SFMBT2: variants seen among roughly 807,000 people sequenced by gnomAD.
SFMBT2 encodes the protein Scm like with four mbt domains 2, also known as scm-like with four MBT domains protein 2.
SFMBT2 carries 38 observed loss-of-function variants against 110.1 expected under a neutral mutation model. The ratio of observed to expected loss-of-function variants is 0.35; its 90% CI spans 0.27 to 0.45. SFMBT2 has a LOEUF of 0.45. Ranked by LOEUF, SFMBT2 falls within the 20% of genes least tolerant of loss-of-function variation. The pLI is 1.00. For synonymous variants in SFMBT2, 425 were observed against 425.4 expected (o/e 1.00, Z 0.01); for missense variants, 1,011 against 1,094.9 (o/e 0.92, Z 1.08).
At chr10:7,395,698 G>T (rs1845904730) in intron 1 of SFMBT2, among the ~76,000 whole-genome samples, 1 of 135,578 alleles carries the variant, frequency 7.4e-6, no homozygotes. Flanking sequence ...ATTTCTAAAA[G>T]CTCTTTTTTT....
At chr10:7,359,640 C>T (rs1844650477) in intron 4 of SFMBT2, among the ~76,000 whole-genome samples, 1 of 152,224 alleles carries the variant, frequency 6.6e-6, no homozygotes, top group Admixed American at 6.5e-5. Flanking sequence ...ACCCAAATAG[C>T]ATCTGATGCA....
At chr10:7,326,090 C>T (rs1366747506) in intron 4 of SFMBT2, among the ~76,000 whole-genome samples, 1 of 152,178 alleles carries the variant, frequency 6.6e-6, no homozygotes, top group Non-Finnish European at 1.5e-5. Flanking sequence ...GAAATATCAA[C>T]AGGGATATTG....
chr10:7,163,117 A>G lies in SFMBT2; in HGVS notation c.*653T>C. 6.2e-6 allele frequency: 1 copy of G among 162,200 alleles called. No individual in the cohort carries two copies. The highest frequency in any genetic ancestry group is 1.3e-5 in the Non-Finnish European group (1 of 77,832). The allele number at this position is 162,200 out of a possible 1,614,324, so 10.0% of individuals were successfully genotyped here. ...GACCCTGTCTCAAAAAACACAACAAAATGAACAACAAACAAACAAACAAAC... is the reference window on the plus strand; with the variant it reads ...GACCCTGTCTCAAAAAACACAACAAGATGAACAACAAACAAACAAACAAAC... On this transcript the variant is annotated 3_prime_UTR_variant, in exon 21 of 21. Coordinates refer to ENST00000397167, the MANE Select transcript of SFMBT2 (RefSeq NM_001387889.1). This position sits in a 1 kb window ranked among gnomAD's most constrained non-coding sequence, Gnocchi z 4.8.
chr10:7,270,932 T>C (rs1202355459), intron 7 of SFMBT2, among the ~76,000 whole-genome samples: 1 of 152,224 alleles, frequency 6.6e-6, no homozygotes, highest in African/African-American at 2.4e-5. Context: ...TTTTGAGTCT[T>C]AGTATTCATA....
chr10:7,397,312 T>C (rs1442306117), intron 1 of SFMBT2, among the ~76,000 whole-genome samples: 2 of 151,830 alleles, frequency 1.3e-5, no homozygotes, highest in Admixed American at 6.6e-5. Context: ...AATAACATAC[T>C]CAATTTCAGG....
chr10:7,175,927 T>C lies in SFMBT2; in HGVS notation c.1984+63A>G, dbSNP rs141739754. On this transcript the variant is annotated intron_variant, in intron 17 of 20. Coordinates refer to ENST00000397167, the MANE Select transcript of SFMBT2 (RefSeq NM_001387889.1). ...AAAAGCAAATGAAACAAAAACCAAA[T>C]ACCTTAGAGTGCAGTTTAGGTCTCT... 228 of 1,450,432 alleles carry C rather than the reference T, an allele frequency of 1.6e-4. 2 individuals carry two copies. The African/African-American group carries it at 3.0e-3, about 19-fold the overall frequency. The allele number at this position is 1,450,432 out of a possible 1,614,324, so 89.8% of individuals were successfully genotyped here.
intron 20 of SFMBT2, 137 bp from the exon 21 acceptor site, chr10:7,164,047 A>G (rs1837625816): frequency 1.4e-6 from 2 of 1,383,442 alleles, no homozygotes; most frequent in Non-Finnish European, 1.9e-6. Flanking sequence ...GATTGTTGGT[A>G]GAGATACCAG....
chr10:7,356,092 T>C (rs1000774004), intron 4 of SFMBT2, among the ~76,000 whole-genome samples: 1 of 152,186 alleles, frequency 6.6e-6, no homozygotes, highest in African/African-American at 2.4e-5. Flanking sequence ...ATTTCTCCAT[T>C]TGAGCCTGAT....
chr10:7,164,447 TC>T (rs1837639848), intron 20 of SFMBT2: 1 of 985,122 alleles, frequency 1.0e-6, no homozygotes, highest in Non-Finnish European at 1.2e-6. Context: ...CTCTGGCTAC[TC>T]TGAAACTCAC....
At chr10:7,404,704 G>A (rs1289481383) in intron 1 of SFMBT2, among the ~76,000 whole-genome samples, 1 of 152,192 alleles carries the variant, frequency 6.6e-6, no homozygotes. Flanking sequence ...CACATGAATG[G>A]AAGCCTAGAC....
chr10:7,279,538 T>C (rs1202183913), intron 6 of SFMBT2, among the ~76,000 whole-genome samples: 1 of 152,232 alleles, frequency 6.6e-6, no homozygotes, highest in Non-Finnish European at 1.5e-5. Flanking sequence ...ATGCTGGTTA[T>C]ACTAGCAAGT....
intron 7 of SFMBT2, chr10:7,249,473 T>A (rs1162433692): frequency 5.2e-6 from 5 of 970,448 alleles, no homozygotes; most frequent in Non-Finnish European, 6.1e-6. Context: ...CAGCAGTGGA[T>A]AAATGAATGT....
chr10:7,364,210 T>C (rs1844818412), intron 4 of SFMBT2, among the ~76,000 whole-genome samples: 1 of 152,266 alleles, frequency 6.6e-6, no homozygotes, highest in Non-Finnish European at 1.5e-5. Flanking sequence ...CAAGTCATAC[T>C]GATTACCCAC....
In SFMBT2 at chr10:7,215,770, T is replaced by A. The variant is rs1249063021; in HGVS notation, c.1330+4641A>T. On this transcript the variant is annotated intron_variant, in intron 11 of 20. Transcript: ENST00000397167. ...AGGGCCTGACCTGCTTCCCTCCTCCTTCCCTGCTGTGTTTGGCTTGAGGGT... is the reference window on the plus strand; with the variant it reads ...AGGGCCTGACCTGCTTCCCTCCTCCATCCCTGCTGTGTTTGGCTTGAGGGT... 4.1e-6 allele frequency: 4 copies of A among 976,736 alleles called. No homozygotes were observed. In the African/African-American group the frequency reaches 7.0e-5, roughly 17 times the overall value. 60.5% of individuals were successfully genotyped at this position (976,736 alleles called of 1,614,324 possible).
chr10:7,192,940 A>C (rs1838645806), intron 15 of SFMBT2, among the ~76,000 whole-genome samples: 1 of 152,006 alleles, frequency 6.6e-6, no homozygotes. Context: ...CCAGCATCTC[A>C]GCAAACGGGG....
intron 7 of SFMBT2, among the ~76,000 whole-genome samples, chr10:7,266,864 GAGA>G (rs1343251332): frequency 2.6e-5 from 4 of 152,216 alleles, no homozygotes; most frequent in Admixed American, 2.6e-4. Flanking sequence ...GAAGTGTGCA[GAGA>G]AGGGTTCACC....
intron 20 of SFMBT2, among the ~76,000 whole-genome samples, chr10:7,166,599 G>C (rs1363121022): frequency 1.3e-5 from 2 of 152,322 alleles, no homozygotes; most frequent in African/African-American, 4.8e-5. Context: ...CCATGAATCT[G>C]GAGGGTGGCA....
chr10:7,168,618 C>T (rs573340920), intron 20 of SFMBT2, among the ~76,000 whole-genome samples: 1 of 152,368 alleles, frequency 6.6e-6, no homozygotes, highest in South Asian at 2.1e-4. Flanking sequence ...TTGAATACAA[C>T]GCTTATCTCG....
chr10:7,391,921 A>G (rs1367178180), intron 1 of SFMBT2, among the ~76,000 whole-genome samples: 1 of 152,230 alleles, frequency 6.6e-6, no homozygotes, highest in Non-Finnish European at 1.5e-5. Flanking sequence ...TTTTTATTAT[A>G]AAATGAATAA....
Sources: gnomAD v4.1 joint callset for allele counts (sites outside exome capture counted in the v4.1 genomes callset) on GRCh38, gnomAD v4.1.1 for gene constraint, Gnocchi (gnomAD v3.1) non-coding constraint, MANE v1.5 for transcripts, NCBI Gene and HGNC (gene_info 2026-07-23, HGNC 2026-07-21) for gene names.